Variants in PDE12 observed in about 807,000 individuals in gnomAD.
PDE12 encodes 2',5'-phosphodiesterase 12.
A neutral mutation model predicts 45.4 loss-of-function variants in PDE12; 26 were observed. The ratio of observed to expected loss-of-function variants is 0.57; its 90% CI spans 0.42 to 0.79. The LOEUF is 0.79. Among genes scored for constraint, PDE12 ranks in the 30% least tolerant of loss-of-function variants. PDE12 has a pLI of 0.00. For synonymous variants in PDE12, 283 were observed against 323.9 expected (o/e 0.87, Z 1.36); for missense variants, 668 against 790.0 (o/e 0.85, Z 1.85).
chr3:57,598,363 T>C, the PDE12 span: 5 of 152,192 alleles, frequency 3.3e-5, no homozygotes, highest in Non-Finnish European at 7.3e-5. Context: ...ACTTGCAAAC[T>C]TTCAGAAACA....
downstream of PDE12, among the ~76,000 whole-genome samples, chr3:57,570,744 T>TA (rs1413660383): frequency 3.3e-5 from 5 of 152,176 alleles, no homozygotes; most frequent in Non-Finnish European, 5.9e-5. Flanking sequence ...AGCTTTCTGT[T>TA]AAAGTTCTAA....
the PDE12 span, among the ~76,000 whole-genome samples, chr3:57,612,845 C>G: frequency 6.6e-6 from 1 of 150,578 alleles, no homozygotes; most frequent in Admixed American, 6.6e-5. Flanking sequence ...CCAGATAAGA[C>G]AAACAGAAAA....
the PDE12 span, among the ~76,000 whole-genome samples, chr3:57,637,707 G>C: frequency 1.5e-5 from 2 of 133,988 alleles, no homozygotes; most frequent in African/African-American, 5.7e-5. Flanking sequence ...AGATATATGA[G>C]ATTTCATGAC....
Position 57,556,597 on chromosome 3 carries a change from GA to G in PDE12, c.219del (p.Val74SerfsTer10), listed in dbSNP as rs749859072. The part of the protein sequence containing the change: ...MQRDQSEPLG[R>X]VLSRIATNAL... The stretch of plus-strand genomic sequence containing the variant: ...CGCGACCAGAGCGAGCCGCTGGGTC[GA>G]GTCCTCAGCCGCATCGCTACCAATG... On this transcript the variant is annotated frameshift_variant, in exon 1 of 3. Transcript: ENST00000311180. LOFTEE classifies it high-confidence loss of function. This position sits in a 1 kb window ranked among gnomAD's most constrained non-coding sequence, Gnocchi z 5.0. 6.2e-7 allele frequency: 1 copy of G among 1,612,922 alleles called. No individual in the cohort carries two copies. The highest frequency in any genetic ancestry group is 8.5e-7 in the Non-Finnish European group (1 of 1,179,648).
Position 57,556,440 on chromosome 3 carries a change from C to G in PDE12, c.61C>G (p.Leu21Val). Residue 21 changes from leucine (L) to valine (V), a missense_variant, in exon 1 of 3, where the codon CTG becomes GTG. Coordinates refer to ENST00000311180, the MANE Select transcript of PDE12 (RefSeq NM_177966.7). This position sits in a 1 kb window ranked among gnomAD's most constrained non-coding sequence, Gnocchi z 5.0. ...LRVIRTAVEK[L>V]SRAEAGSQTA... ...GGTGATCCGGACGGCGGTGGAGAAGCTGAGCCGGGCTGAAGCGGGGAGCCA... is the reference window on the plus strand; with the variant it reads ...GGTGATCCGGACGGCGGTGGAGAAGGTGAGCCGGGCTGAAGCGGGGAGCCA... 6.2e-7 allele frequency: 1 copy of G among 1,612,368 alleles called. No individual in the cohort carries two copies. Among genetic ancestry groups the G allele is most frequent in the Non-Finnish European group, 8.5e-7 (1 of 1,179,510 alleles).
chr3:57,581,526 C>T, the PDE12 span, among the ~76,000 whole-genome samples: 7 of 152,152 alleles, frequency 4.6e-5, no homozygotes, highest in East Asian at 1.9e-4. Context: ...ATTGGCCAAG[C>T]GCAGTAGCTC....
At chr3:57,602,152 A>G in the PDE12 span, among the ~76,000 whole-genome samples, 5 of 152,278 alleles carry the variant, frequency 3.3e-5, 1 homozygote, top group Admixed American at 6.5e-5. Context: ...ACAATATGCC[A>G]TTGTACTTAA....
the PDE12 span, among the ~76,000 whole-genome samples, chr3:57,644,636 G>T: frequency 8.4e-4 from 117 of 139,912 alleles, no homozygotes; most frequent in Non-Finnish European, 1.6e-3. Context: ...AAGGTTAAAA[G>T]TGTAAATGTT....
chr3:57,656,475 G>A, the PDE12 span, among the ~76,000 whole-genome samples: 2 of 152,054 alleles, frequency 1.3e-5, no homozygotes, highest in Admixed American at 1.3e-4. Context: ...TATGAATAAA[G>A]CTACTATATA....
Position 57,557,054 on chromosome 3 carries a change from G to C in PDE12, c.675G>C (p.Trp225Cys), listed in dbSNP as rs776711400. Reference protein sequence around the residue: ...SLSPSSPSSSWTETDVEERVY... With the variant: ...SLSPSSPSSSCTETDVEERVY... Reference sequence around the variant, plus strand: ...CTCCCTCCTCACCTTCTTCTTCTTGGACTGAGACTGATGTGGAGGAGCGTG... The same window carrying C: ...CTCCCTCCTCACCTTCTTCTTCTTGCACTGAGACTGATGTGGAGGAGCGTG... The change falls in exon 1 of 3, where the codon TGG becomes TGC. Residue 225 changes from tryptophan (W) to cysteine (C), a missense_variant. By Grantham distance (215) the Trp-to-Cys change is radical. Around this residue, in one of 3 missense-constraint regions of PDE12, gnomAD observed 580 missense variants for 662.9 expected, o/e 0.87. Transcript: ENST00000311180. 6.2e-7 allele frequency: 1 copy of C among 1,613,988 alleles called. No homozygotes were observed. The highest frequency in any genetic ancestry group is 8.5e-7 in the Non-Finnish European group (1 of 1,180,006).
chr3:57,584,288 T>A, the PDE12 span: 9 of 1,156,858 alleles, frequency 7.8e-6, no homozygotes, highest in Non-Finnish European at 1.1e-5. Context: ...TCTAAGATAA[T>A]CAACATGCTT....
chr3:57,633,801 A>C, the PDE12 span, among the ~76,000 whole-genome samples: 1 of 152,008 alleles, frequency 6.6e-6, no homozygotes. Flanking sequence ...GAGACAGAAG[A>C]ATTGCTTGAA....
At chr3:57,613,920 A>G in the PDE12 span, among the ~76,000 whole-genome samples, 18 of 150,876 alleles carry the variant, frequency 1.2e-4, no homozygotes, top group Admixed American at 5.3e-4. Flanking sequence ...AAAAAAAAAA[A>G]AAAGAAATAT....
At chr3:57,605,014 TAAAA>T in the PDE12 span, among the ~76,000 whole-genome samples, 22 of 152,114 alleles carry the variant, frequency 1.4e-4, no homozygotes, top group Non-Finnish European at 3.1e-4. Context: ...TCACCTAAAA[TAAAA>T]AGAAACAAAC....
chr3:57,590,136 A>AAAT, the PDE12 span, among the ~76,000 whole-genome samples: 1 of 122,398 alleles, frequency 8.2e-6, no homozygotes, highest in Non-Finnish European at 1.8e-5. Flanking sequence ...AATAAATAAA[A>AAAT]CAAAAAACAA....
the PDE12 span, among the ~76,000 whole-genome samples, chr3:57,656,088 T>C: frequency 6.6e-6 from 1 of 152,190 alleles, no homozygotes; most frequent in South Asian, 2.1e-4. Flanking sequence ...GTTTTAAAAG[T>C]CACATTTATA....
chr3:57,581,092 A>G, the PDE12 span, among the ~76,000 whole-genome samples: 58,839 of 152,168 alleles, frequency 0.39, 12,724 homozygotes, highest in South Asian at 0.56. Context: ...AAAGCCAAAT[A>G]TTTACTTATT....
At chr3:57,599,962 GGATTACAGGTGT>G in the PDE12 span, 3 of 151,234 alleles carry the variant, frequency 2.0e-5, no homozygotes, top group African/African-American at 7.3e-5. Flanking sequence ...CAAAGTGTTG[GGATTACAGGTGT>G]GAGCCAGTGC....
the PDE12 span, among the ~76,000 whole-genome samples, chr3:57,599,586 G>T: frequency 1.3e-5 from 2 of 152,106 alleles, no homozygotes; most frequent in African/African-American, 4.8e-5. Context: ...TAAATCGAAA[G>T]AATTCTGTTC....
Sources: allele counts gnomAD v4.1 joint callset (sites outside exome capture counted in the v4.1 genomes callset), GRCh38; gene constraint gnomAD v4.1.1; regional missense constraint gnomAD v4.1.1; non-coding constraint Gnocchi (gnomAD v3.1); transcripts MANE v1.5; gene names NCBI Gene and HGNC (gene_info 2026-07-23, HGNC 2026-07-21).